SUGCT: variants seen among roughly 807,000 people sequenced by gnomAD.
The protein encoded by SUGCT is succinyl-CoA:glutarate-CoA transferase, also known as succinyl-CoA:glutarate CoA-transferase.
SUGCT carries 41 observed loss-of-function variants against 55.0 expected under a neutral mutation model. The observed-to-expected ratio is 0.74, with a 90% confidence interval of 0.58 to 0.97. The LOEUF (loss-of-function observed/expected upper bound fraction) is 0.97, where lower values mean the gene tolerates loss of function less well. SUGCT is among the 50% of genes least tolerant of loss of function. The probability of loss-of-function intolerance (pLI) is 0.00; values close to 1 mark genes in which losing one functional copy is unlikely to be tolerated. For synonymous variants in SUGCT, 187 were observed against 200.4 expected, an observed-to-expected ratio of 0.93 and a Z score of 0.56; for missense variants, 568 against 547.8, an observed-to-expected ratio of 1.04 and a Z score of -0.37.
the SUGCT span, among the ~76,000 whole-genome samples, chr7:41,013,136 G>A: frequency 1.3e-5 from 2 of 151,986 alleles, no homozygotes; most frequent in Non-Finnish European, 2.9e-5. Flanking sequence ...ACTCTGCTGT[G>A]CTGGTTCAGA....
At chr7:40,883,651 G>A in the SUGCT span, among the ~76,000 whole-genome samples, 2 of 152,212 alleles carry the variant, frequency 1.3e-5, no homozygotes, top group African/African-American at 2.4e-5. Flanking sequence ...TGCTATAATT[G>A]TTGTAAATAG....
At chr7:40,731,648 C>T (rs763457525) in intron 12 of SUGCT, among the ~76,000 whole-genome samples, 7 of 152,112 alleles carry the variant, frequency 4.6e-5, no homozygotes, top group Admixed American at 1.3e-4. Flanking sequence ...GAGTTCAGGT[C>T]ATTTGCCTAA....
At chr7:40,902,772 G>A in the SUGCT span, among the ~76,000 whole-genome samples, 1 of 151,990 alleles carries the variant, frequency 6.6e-6, no homozygotes, top group African/African-American at 2.4e-5. Context: ...GTCTAAGCCA[G>A]GACCTTGACT....
chr7:40,990,611 C>T, the SUGCT span, among the ~76,000 whole-genome samples: 1 of 152,152 alleles, frequency 6.6e-6, no homozygotes, highest in South Asian at 2.1e-4. Context: ...TTAACTTCTC[C>T]CTAGCTATAA....
intron 1 of SUGCT, among the ~76,000 whole-genome samples, chr7:40,135,531 A>AGTT (rs1451896089): frequency 6.6e-6 from 1 of 152,286 alleles, no homozygotes; most frequent in East Asian, 1.9e-4. Context: ...GCCCTTGTAC[A>AGTT]GTTACCTGTT....
intron 9 of SUGCT, among the ~76,000 whole-genome samples, chr7:40,438,696 C>T (rs1252347859): frequency 6.6e-6 from 1 of 151,998 alleles, no homozygotes; most frequent in East Asian, 1.9e-4. Context: ...TTACAGGAGA[C>T]AGTCCTGACT....
chr7:40,227,022 A>G (rs918464228), intron 6 of SUGCT, among the ~76,000 whole-genome samples: 1 of 149,820 alleles, frequency 6.7e-6, no homozygotes, highest in Non-Finnish European at 1.5e-5. Context: ...CACCTAAAGT[A>G]GAGAGAATAG....
intron 13 of SUGCT, among the ~76,000 whole-genome samples, chr7:40,794,792 G>A (rs369955727): frequency 7.3e-5 from 11 of 151,680 alleles, no homozygotes; most frequent in South Asian, 2.1e-4. Context: ...AATGTCCTGC[G>A]TCGAGAAGAT....
In SUGCT at chr7:40,351,894, A is replaced by G. The variant is rs534525036; in HGVS notation, c.816+35039A>G. Among the ~76,000 whole-genome samples the G allele has an allele frequency of 2.0e-5, 3 of 152,362 alleles. No homozygotes were observed. The South Asian group carries it at 6.2e-4, about 32-fold the overall frequency. ...TGCTTCTCAACCCTAGCTGCACATT[A>G]GAATTACCTGAGAAGCTTTTAATGC... On this transcript the variant is annotated intron_variant, in intron 9 of 13. Transcript: ENST00000335693.
intron 7 of SUGCT, among the ~76,000 whole-genome samples, chr7:40,249,346 T>TATATATATATATATATATATAA (rs1219733878): frequency 7.7e-6 from 1 of 129,828 alleles, no homozygotes; most frequent in African/African-American, 3.1e-5. Flanking sequence ...TATATATATA[T>TATATATATATATATATATATAA]AATTATATTA....
At chr7:40,282,520 A>C (rs527346229) in intron 8 of SUGCT, among the ~76,000 whole-genome samples, 9 of 145,662 alleles carry the variant, frequency 6.2e-5, no homozygotes, top group South Asian at 2.2e-4. Flanking sequence ...AACAAACAAA[A>C]AAACCAACTG....
intron 9 of SUGCT, among the ~76,000 whole-genome samples, chr7:40,446,573 A>G (rs1788851671): frequency 6.6e-6 from 1 of 152,220 alleles, no homozygotes; most frequent in South Asian, 2.1e-4. Flanking sequence ...CCTTAATAGC[A>G]TTCCTTACCA....
intron 12 of SUGCT, among the ~76,000 whole-genome samples, chr7:40,650,352 C>T (rs1448160678): frequency 6.6e-6 from 1 of 152,086 alleles, no homozygotes; most frequent in Non-Finnish European, 1.5e-5. Context: ...TAGTGTGTAC[C>T]AGGACATGCA....
chr7:40,242,104 A>C (rs1449987546), intron 7 of SUGCT, among the ~76,000 whole-genome samples: 1 of 151,862 alleles, frequency 6.6e-6, no homozygotes, highest in Non-Finnish European at 1.5e-5. Context: ...GATGATAGAC[A>C]TTTTACATAT....
intron 12 of SUGCT, among the ~76,000 whole-genome samples, chr7:40,655,548 TG>T (rs1456857370): frequency 6.6e-6 from 1 of 152,100 alleles, no homozygotes; most frequent in Non-Finnish European, 1.5e-5. Flanking sequence ...TAACCTTGAG[TG>T]TTATGGAGGC....
At chr7:40,136,001 T>A (rs1283066216) in intron 1 of SUGCT, among the ~76,000 whole-genome samples, 1 of 143,920 alleles carries the variant, frequency 6.9e-6, no homozygotes, top group African/African-American at 2.6e-5. Context: ...GATGCAGGAT[T>A]TTTTTTTTTT....
intron 9 of SUGCT, among the ~76,000 whole-genome samples, chr7:40,388,828 G>A (rs1171663796): frequency 6.6e-6 from 1 of 152,076 alleles, no homozygotes; most frequent in Non-Finnish European, 1.5e-5. Flanking sequence ...TATTATTTTG[G>A]ATTTGGATAA....
At chr7:40,997,118 T>C in the SUGCT span, among the ~76,000 whole-genome samples, 1 of 152,322 alleles carries the variant, frequency 6.6e-6, no homozygotes, top group East Asian at 1.9e-4. Context: ...TGTGACCTTT[T>C]GTTTTAAACT....
chr7:40,891,912 G>C, the SUGCT span, among the ~76,000 whole-genome samples: 2 of 152,036 alleles, frequency 1.3e-5, no homozygotes, highest in Admixed American at 1.3e-4. Flanking sequence ...GGAGGCTGAG[G>C]CAGGAGAATC....
Sources: gnomAD v4.1 joint callset for allele counts (sites outside exome capture counted in the v4.1 genomes callset) on GRCh38, gnomAD v4.1.1 for gene constraint, MANE v1.5 for transcripts, NCBI Gene and HGNC (gene_info 2026-07-23, HGNC 2026-07-21) for gene names.